The following CSTF3 variants were observed in gnomAD, a reference collection of about 807,000 sequenced individuals.
The protein encoded by CSTF3 is CF-1 77 kDa subunit.
CSTF3 carries 29 observed loss-of-function variants against 105.8 expected under a neutral mutation model. The observed-to-expected ratio is 0.27, with a 90% CI of 0.20 to 0.37. The LOEUF is 0.37. CSTF3 is among the 10% of genes least tolerant of loss of function. The probability of loss-of-function intolerance (pLI) is 1.00; values close to 1 mark genes in which losing one functional copy is unlikely to be tolerated. For missense variants in CSTF3, 357 were observed against 879.3 expected, an observed-to-expected ratio of 0.41 and a Z score of 7.51; for synonymous variants, 252 against 281.9, an observed-to-expected ratio of 0.89 and a Z score of 1.06.
chr11:33,143,100 C>T (rs1438163092), intron 1 of CSTF3, among the ~76,000 whole-genome samples: 6 of 151,816 alleles, frequency 4.0e-5, no homozygotes, highest in Admixed American at 1.3e-4. Flanking sequence ...AATCTTATTT[C>T]GATGTAAAGA....
rs1462619115 is a variant in CSTF3 at position 33,105,697 on chromosome 11, A to G, written c.459-4T>C. 1 of 1,612,852 alleles carries G rather than the reference A, an allele frequency of 6.2e-7. No individual in the cohort carries two copies. Among genetic ancestry groups the G allele is most frequent in the Non-Finnish European group, 8.5e-7 (1 of 1,179,334 alleles). Reference sequence around the variant, plus strand: ...TGCATAAGATCCTACAGCTTCCCTGAGATTGGATAAGAAATGCCATCAATT... The same window carrying G: ...TGCATAAGATCCTACAGCTTCCCTGGGATTGGATAAGAAATGCCATCAATT... On this transcript the variant is annotated splice_polypyrimidine_tract_variant and splice_region_variant and intron_variant, in intron 7 of 20. Transcript: ENST00000323959.
At chr11:33,101,938 A>G (rs576592866) in intron 10 of CSTF3, among the ~76,000 whole-genome samples, 1 of 152,292 alleles carries the variant, frequency 6.6e-6, no homozygotes, top group East Asian at 1.9e-4. Flanking sequence ...TAAAATGGAA[A>G]TTTATAGAAT....
chr11:33,154,166 A>C (rs1008355756), intron 1 of CSTF3, among the ~76,000 whole-genome samples: 1 of 152,194 alleles, frequency 6.6e-6, no homozygotes, highest in Non-Finnish European at 1.5e-5. Context: ...TTTCAAACGA[A>C]GATTCTCAGC....
intron 9 of CSTF3, 125 bp downstream of exon 9, chr11:33,102,982 T>C: frequency 1.6e-6 from 1 of 625,722 alleles, no homozygotes; most frequent in Non-Finnish European, 2.8e-6. Flanking sequence ...CCTCAGACTT[T>C]GCAATTAATT....
intron 3 of CSTF3, among the ~76,000 whole-genome samples, chr11:33,116,927 T>G (rs916947295): frequency 1.3e-5 from 2 of 151,988 alleles, no homozygotes; most frequent in African/African-American, 4.8e-5. Context: ...AGACTTTTTT[T>G]TTTTTAATGG....
chr11:33,106,425 TTAAAAA>T (rs1430612626), intron 5 of CSTF3, among the ~76,000 whole-genome samples: 1 of 151,702 alleles, frequency 6.6e-6, no homozygotes, highest in Non-Finnish European at 1.5e-5. Context: ...CTAAAAAAAA[TTAAAAA>T]TAAATTATTA....
chr11:33,125,271 T>C (rs149938489), intron 3 of CSTF3, among the ~76,000 whole-genome samples: 1 of 152,320 alleles, frequency 6.6e-6, no homozygotes, highest in Non-Finnish European at 1.5e-5. Context: ...AAGCTAATCT[T>C]ATCTAAATTC....
intron 13 of CSTF3, 119 bp downstream of exon 13, chr11:33,098,571 T>C (rs987049901): frequency 1.6e-6 from 1 of 622,680 alleles, no homozygotes; most frequent in African/African-American, 2.0e-5. Context: ...TCAATGTTAT[T>C]TGTCAAGATT....
chr11:33,116,296 A>G (rs1855430304), intron 3 of CSTF3, among the ~76,000 whole-genome samples: 1 of 152,218 alleles, frequency 6.6e-6, no homozygotes, highest in Non-Finnish European at 1.5e-5. Flanking sequence ...CTGAACTATT[A>G]AAGAGTTTAT....
intron 17 of CSTF3, among the ~76,000 whole-genome samples, chr11:33,088,599 CTGTTTA>C (rs2133767791): frequency 1.3e-5 from 2 of 151,770 alleles, no homozygotes; most frequent in Admixed American, 1.3e-4. Context: ...TCTTTCTTTT[CTGTTTA>C]TTTTTATTTT....
chr11:33,091,913 C>T (rs1483345728), intron 16 of CSTF3, among the ~76,000 whole-genome samples: 2 of 152,130 alleles, frequency 1.3e-5, no homozygotes, highest in Non-Finnish European at 2.9e-5. Context: ...TTGGGTCTCA[C>T]TATGTTGCCC....
At chr11:33,151,690 T>C (rs368005132) in intron 1 of CSTF3, among the ~76,000 whole-genome samples, 1 of 152,194 alleles carries the variant, frequency 6.6e-6, no homozygotes, top group South Asian at 2.1e-4. Context: ...GGAGTTCATT[T>C]TGTGTGTTTT....
chr11:33,108,327 A>T, intron 4 of CSTF3, 59 bp downstream of exon 4: 1 of 1,348,914 alleles, frequency 7.4e-7, no homozygotes, highest in South Asian at 1.5e-5. Context: ...CATCTGTCTT[A>T]TACATACTAG....
intron 3 of CSTF3, among the ~76,000 whole-genome samples, chr11:33,127,900 C>CT (rs770156740): frequency 3.3e-5 from 5 of 152,262 alleles, no homozygotes; most frequent in Admixed American, 1.3e-4. Context: ...ATATTTGTCC[C>CT]TTTGGTAAAA....
At chr11:33,112,056 C>A (rs564892054) in intron 3 of CSTF3, among the ~76,000 whole-genome samples, 13 of 152,260 alleles carry the variant, frequency 8.5e-5, no homozygotes, top group Admixed American at 4.6e-4. Flanking sequence ...GAATTCGAGA[C>A]CAGCCTGGCC....
At position 33,085,076 on chromosome 11, in the gene CSTF3, C is replaced by T. The variant is rs759456244; in HGVS notation, c.*11G>A. The T allele has an allele frequency of 2.7e-5, 44 of 1,613,742 alleles. No homozygotes were observed. Among genetic ancestry groups the T allele is most frequent in the South Asian group, 1.1e-4 (10 of 91,080 alleles). On this transcript the variant is annotated 3_prime_UTR_variant, in exon 21 of 21. Transcript: ENST00000323959. ...CCTGGACAGGAGTTTTCTGCAGAGG[C>T]GTTTAAAACCCTACCGAATCCGCTT...
intron 3 of CSTF3, among the ~76,000 whole-genome samples, chr11:33,131,657 T>G (rs1172424278): frequency 6.6e-6 from 1 of 151,174 alleles, no homozygotes; most frequent in Non-Finnish European, 1.5e-5. Context: ...CCATCCTGGC[T>G]AACACAGTGA....
chr11:33,140,512 C>G (rs559265029), intron 3 of CSTF3, among the ~76,000 whole-genome samples: 6 of 152,158 alleles, frequency 3.9e-5, no homozygotes, highest in African/African-American at 1.2e-4. Context: ...GTAATACAAT[C>G]TAAACTATAG....
rs1223976439 is a variant in CSTF3, at chr11:33,085,287, C to A, written c.1954G>T (p.Val652Phe). ...GTAATGATCCTCACAGCTTCCTCAACAGCTATTAAAACAAAACAACAAAAC... is the reference window on the plus strand; with the variant it reads ...GTAATGATCCTCACAGCTTCCTCAAAAGCTATTAAAACAAAACAACAAAAC... Reference protein sequence around the residue: ...IFRRCKIPNTVEEAVRIITGG... With the variant: ...IFRRCKIPNTFEEAVRIITGG... Residue 652 changes from valine (V) to phenylalanine (F), a missense_variant and splice_region_variant, in exon 21 of 21, where the codon GTT becomes TTT. Physicochemically the swap from Val to Phe is conservative, Grantham distance 50. This residue lies in a region of CSTF3 where 73 missense variants were observed against 105.8 expected (regional missense o/e 0.69). Transcript: ENST00000323959. 2.6e-6 allele frequency: 4 copies of A among 1,536,778 alleles called. No homozygotes were observed. The highest frequency in any genetic ancestry group is 3.5e-6 in the Non-Finnish European group (4 of 1,145,622).
Sources: allele counts gnomAD v4.1 joint callset (sites outside exome capture counted in the v4.1 genomes callset), GRCh38; gene constraint gnomAD v4.1.1; regional missense constraint gnomAD v4.1.1; transcripts MANE v1.5; gene names NCBI Gene and HGNC (gene_info 2026-07-23, HGNC 2026-07-21).